RPS6KC1: variants seen among roughly 807,000 people sequenced by gnomAD.
The protein encoded by RPS6KC1 is inactive ribosomal protein S6 kinase delta-1.
A neutral mutation model predicts 103.8 loss-of-function variants in RPS6KC1; 54 were observed. The observed-to-expected ratio is 0.52, with a 90% CI of 0.42 to 0.65. RPS6KC1 has a LOEUF of 0.65. Ranked by LOEUF, RPS6KC1 falls within the 30% of genes least tolerant of loss-of-function variation. The pLI, the probability that RPS6KC1 is intolerant of heterozygous loss-of-function variation, is 0.00. For synonymous variants in RPS6KC1, 439 were observed against 438.7 expected, an observed-to-expected ratio of 1.00 and a Z score of -0.01; for missense variants, 1,151 against 1,253.8, an observed-to-expected ratio of 0.92 and a Z score of 1.24.
the RPS6KC1 span, among the ~76,000 whole-genome samples, chr1:213,609,563 C>A: frequency 3.1e-4 from 47 of 152,056 alleles, no homozygotes; most frequent in African/African-American, 1.1e-3. Context: ...TGTGCATCCC[C>A]GGAAATGGTT....
At chr1:213,081,483 G>A (rs571904843) in intron 3 of RPS6KC1, among the ~76,000 whole-genome samples, 4 of 152,128 alleles carry the variant, frequency 2.6e-5, no homozygotes, top group South Asian at 2.1e-4. Context: ...CACCTTGAAC[G>A]TTGGGGATCA....
At chr1:213,231,228 A>G (rs1374405308) in intron 9 of RPS6KC1, among the ~76,000 whole-genome samples, 1 of 152,230 alleles carries the variant, frequency 6.6e-6, no homozygotes, top group African/African-American at 2.4e-5. Flanking sequence ...TTCGATTATC[A>G]CTACAGTTCT....
the RPS6KC1 span, among the ~76,000 whole-genome samples, chr1:213,529,804 A>G: frequency 6.6e-6 from 1 of 152,184 alleles, no homozygotes; most frequent in South Asian, 2.1e-4. Context: ...GACTCACAGT[A>G]GGAATATACT....
At chr1:213,549,428 C>A in the RPS6KC1 span, among the ~76,000 whole-genome samples, 2 of 152,158 alleles carry the variant, frequency 1.3e-5, no homozygotes, top group Admixed American at 6.5e-5. Context: ...TTGTTTACTT[C>A]TTTGTTTTCT....
chr1:213,763,326 A>G, the RPS6KC1 span, among the ~76,000 whole-genome samples: 1 of 152,194 alleles, frequency 6.6e-6, no homozygotes, highest in Non-Finnish European at 1.5e-5. Flanking sequence ...CTTGATTCCC[A>G]GGAGACCCTT....
Position 213,272,560 on chromosome 1 carries a change from G to A in RPS6KC1, c.3127G>A (p.Gly1043Arg), listed in dbSNP as rs1243421199. The change falls in exon 15 of 15, where the codon GGA becomes AGA. Residue 1043 changes from glycine to arginine, a missense_variant. Gly to Arg is a moderately radical substitution (Grantham distance 125, BLOSUM62 -2). Transcript: ENST00000366960. The part of the protein sequence containing the change: ...QFNPLERLGA[G>R]VAGVEDIKSH... The stretch of plus-strand genomic sequence containing the variant: ...CAATCCTCTGGAACGACTTGGTGCT[G>A]GAGTTGCTGGTGTTGAAGATATCAA... 6.2e-7 allele frequency: 1 copy of A among 1,614,040 alleles called. No individual in the cohort carries two copies. The highest frequency in any genetic ancestry group is 1.1e-5 in the South Asian group (1 of 91,084).
In RPS6KC1 at chr1:213,120,202, A is replaced by G. The variant is rs193068115; in HGVS notation, c.472+2792A>G. ...GTCAGTGCGGTTTAGTTTTTCAACT[A>G]TGTTACCATCTCTGAAACACACTGT... On this transcript the variant is annotated intron_variant, in intron 5 of 14. Transcript: ENST00000366960. Among the ~76,000 whole-genome samples, 11 of 152,324 alleles carry G rather than the reference A, an allele frequency of 7.2e-5. No homozygotes were observed. The East Asian group carries it at 1.5e-3, about 21-fold the overall frequency.
intron 4 of RPS6KC1, among the ~76,000 whole-genome samples, chr1:213,109,653 G>T (rs1165348322): frequency 1.3e-5 from 2 of 151,816 alleles, no homozygotes; most frequent in Non-Finnish European, 2.9e-5. Context: ...ATATTCTTTT[G>T]TGTGGCTATG....
At chr1:213,492,984 G>A in the RPS6KC1 span, among the ~76,000 whole-genome samples, 2 of 152,192 alleles carry the variant, frequency 1.3e-5, no homozygotes, top group Non-Finnish European at 2.9e-5. Context: ...AATAAAAGAA[G>A]ACTCAAGGAA....
the RPS6KC1 span, among the ~76,000 whole-genome samples, chr1:213,801,522 A>G: frequency 6.6e-6 from 1 of 152,168 alleles, no homozygotes; most frequent in Non-Finnish European, 1.5e-5. Context: ...TAAGAATAAC[A>G]TGTTTTATAA....
chr1:213,677,499 A>G, the RPS6KC1 span, among the ~76,000 whole-genome samples: 1 of 152,316 alleles, frequency 6.6e-6, no homozygotes, highest in South Asian at 2.1e-4. Context: ...TAAAAGTAAA[A>G]TTAAAACACT....
the RPS6KC1 span, among the ~76,000 whole-genome samples, chr1:213,308,316 G>GAAA: frequency 9.0e-5 from 5 of 55,832 alleles, no homozygotes; most frequent in South Asian, 2.9e-3. Flanking sequence ...CCTGTCTCCA[G>GAAA]AAAAAAAAAA....
At chr1:213,762,739 G>C in the RPS6KC1 span, among the ~76,000 whole-genome samples, 1 of 152,100 alleles carries the variant, frequency 6.6e-6, no homozygotes, top group Non-Finnish European at 1.5e-5. Flanking sequence ...AAGCTTATGA[G>C]CTGTGTGAGG....
At chr1:213,375,113 TTATA>T in the RPS6KC1 span, among the ~76,000 whole-genome samples, 5,249 of 149,646 alleles carry the variant, frequency 0.035, 128 homozygotes, top group African/African-American at 0.067. Flanking sequence ...ACACATATAC[TTATA>T]TATACACATA....
the RPS6KC1 span, among the ~76,000 whole-genome samples, chr1:213,569,943 A>G: frequency 1.3e-4 from 20 of 152,248 alleles, no homozygotes; most frequent in Admixed American, 1.3e-3. Flanking sequence ...AATTGAAGTC[A>G]TTGTGCTCTT....
the RPS6KC1 span, among the ~76,000 whole-genome samples, chr1:213,367,827 A>T: frequency 6.6e-6 from 1 of 152,218 alleles, no homozygotes; most frequent in South Asian, 2.1e-4. Context: ...AAGAAGAAGA[A>T]ACATCTTCAG....
At chr1:213,408,853 A>G in the RPS6KC1 span, among the ~76,000 whole-genome samples, 1 of 152,208 alleles carries the variant, frequency 6.6e-6, no homozygotes, top group Non-Finnish European at 1.5e-5. Context: ...ACTGTGCCAT[A>G]TACTACAGAG....
At chr1:213,122,834 G>A (rs1321144262) in intron 5 of RPS6KC1, among the ~76,000 whole-genome samples, 1 of 151,908 alleles carries the variant, frequency 6.6e-6, no homozygotes, top group East Asian at 1.9e-4. Context: ...CTTGGTAGTG[G>A]AGCTTGACAA....
At chr1:213,561,432 T>C in the RPS6KC1 span, among the ~76,000 whole-genome samples, 1 of 152,218 alleles carries the variant, frequency 6.6e-6, no homozygotes, top group Non-Finnish European at 1.5e-5. Context: ...TGAAGTCATA[T>C]TTACCAAAAT....
Sources: gnomAD v4.1 joint callset for allele counts (sites outside exome capture counted in the v4.1 genomes callset) on GRCh38, gnomAD v4.1.1 for gene constraint, MANE v1.5 for transcripts, NCBI Gene and HGNC (gene_info 2026-07-23, HGNC 2026-07-21) for gene names.